CFAP70: variants seen among roughly 807,000 people sequenced by gnomAD.
CFAP70 encodes cilia- and flagella-associated protein 70.
Under a neutral mutation model 137.6 loss-of-function variants are expected in CFAP70, and 81 were observed. The ratio of observed to expected loss-of-function variants is 0.59; its 90% CI spans 0.49 to 0.71. CFAP70 has a LOEUF of 0.71. Among genes scored for constraint, CFAP70 ranks in the 30% least tolerant of loss-of-function variants. CFAP70 has a pLI of 0.00. For missense variants in CFAP70, 976 were observed against 1,226.7 expected, an observed-to-expected ratio of 0.80 and a Z score of 3.05; for synonymous variants, 382 against 423.6, an observed-to-expected ratio of 0.90 and a Z score of 1.20.
chr10:73,359,496 C>A (rs2132611302), upstream of CFAP70, among the ~76,000 whole-genome samples: 1 of 152,134 alleles, frequency 6.6e-6, no homozygotes, highest in African/African-American at 2.4e-5. Flanking sequence ...AAATAAGGGA[C>A]AATTTGAGCA....
intron 25 of CFAP70, among the ~76,000 whole-genome samples, chr10:73,267,480 A>T (rs1324222028): frequency 1.3e-5 from 2 of 152,214 alleles, no homozygotes; most frequent in Non-Finnish European, 2.9e-5. Context: ...AGGGAAAGTC[A>T]CAAGTTTAGC....
chr10:73,343,052 T>C (rs1216639683), intron 5 of CFAP70, among the ~76,000 whole-genome samples: 1 of 151,140 alleles, frequency 6.6e-6, no homozygotes, highest in Admixed American at 6.6e-5. Flanking sequence ...CTACTAAAAA[T>C]ACAAAAAATT....
At chr10:73,262,874 A>C (rs181036962) in intron 25 of CFAP70, among the ~76,000 whole-genome samples, 1 of 152,330 alleles carries the variant, frequency 6.6e-6, no homozygotes, top group East Asian at 1.9e-4. Flanking sequence ...GTTTATCTAC[A>C]TAAACACACA....
intron 3 of CFAP70, among the ~76,000 whole-genome samples, chr10:73,353,143 T>G (rs189985820): frequency 1.4e-4 from 21 of 152,310 alleles, no homozygotes; most frequent in African/African-American, 5.1e-4. Flanking sequence ...TAGGGAAGAC[T>G]TTTTTCTCTA....
exon 6 of CFAP70, chr10:73,341,515 G>A (rs773903835): frequency 2.9e-5 from 47 of 1,613,980 alleles, no homozygotes; most frequent in Non-Finnish European, 3.4e-5. Context: ...TTTTTGGGCC[G>A]GGGAACAGGT....
chr10:73,323,122 G>C, intron 8 of CFAP70, 25 bp from the exon 10 acceptor site: 2 of 1,595,636 alleles, frequency 1.3e-6, no homozygotes, highest in Non-Finnish European at 8.5e-7. Flanking sequence ...CCAGAGAGTT[G>C]TTAGTGCTAT....
At chr10:73,318,326 AT>A (rs1165259681) in intron 9 of CFAP70, among the ~76,000 whole-genome samples, 1 of 152,148 alleles carries the variant, frequency 6.6e-6, no homozygotes, top group Non-Finnish European at 1.5e-5. Context: ...AGCCAGAGAT[AT>A]TTCCTTTCCA....
At chr10:73,361,853 G>GTTT (rs146636199), upstream of CFAP70, among the ~76,000 whole-genome samples, 32 of 147,966 alleles carry the variant, frequency 2.2e-4, no homozygotes, top group Middle Eastern at 3.5e-3. Flanking sequence ...AACCCCAACT[G>GTTT]TTTTTTTTTT....
intron 19 of CFAP70, among the ~76,000 whole-genome samples, chr10:73,283,984 G>GTA (rs1306058800): frequency 6.6e-6 from 1 of 152,174 alleles, no homozygotes; most frequent in African/African-American, 2.4e-5. Context: ...ATGTAATTAT[G>GTA]TTAGTTTCCT....
upstream of CFAP70, among the ~76,000 whole-genome samples, chr10:73,359,906 A>AAC (rs1316087519): frequency 2.0e-5 from 3 of 151,522 alleles, no homozygotes; most frequent in Admixed American, 6.6e-5. Flanking sequence ...AAAAAAAAAC[A>AAC]CACACACACA....
chr10:73,316,463 G>GAT (rs56896753), intron 9 of CFAP70, among the ~76,000 whole-genome samples: 184 of 128,072 alleles, frequency 1.4e-3, no homozygotes, highest in South Asian at 3.8e-3. Flanking sequence ...CCTTTGTTGA[G>GAT]ATATATATAT....
chr10:73,315,285 C>T (rs1301587027), intron 9 of CFAP70, among the ~76,000 whole-genome samples: 2 of 150,566 alleles, frequency 1.3e-5, no homozygotes, highest in Non-Finnish European at 2.9e-5. Flanking sequence ...ATTTAAAGAG[C>T]ATGATTCAGT....
At chr10:73,354,877 G>C (rs890372570) in intron 1 of CFAP70, 42 bp from the exon 2 acceptor site, 8 of 1,162,658 alleles carry the variant, frequency 6.9e-6, no homozygotes, top group Non-Finnish European at 9.0e-6. Context: ...ATGTACCACA[G>C]CTGCACAAGT....
At chr10:73,283,473 G>A (rs1028214871) in intron 19 of CFAP70, among the ~76,000 whole-genome samples, 2 of 151,900 alleles carry the variant, frequency 1.3e-5, no homozygotes, top group Admixed American at 6.6e-5. Flanking sequence ...ATCTCCCTTC[G>A]GCCCTGTTAG....
At chr10:73,277,566 A>T (rs1385177926) in intron 20 of CFAP70, among the ~76,000 whole-genome samples, 1 of 152,096 alleles carries the variant, frequency 6.6e-6, no homozygotes, top group East Asian at 1.9e-4. Context: ...TACAAAAATT[A>T]TCTGGGCATG....
chr10:73,333,155 T>C (rs2052300441), intron 7 of CFAP70, among the ~76,000 whole-genome samples: 1 of 152,142 alleles, frequency 6.6e-6, no homozygotes, highest in Admixed American at 6.6e-5. Flanking sequence ...ATCAGTTGAC[T>C]GGACATGGCT....
chr10:73,306,813 A>G (rs2049420201), intron 12 of CFAP70, among the ~76,000 whole-genome samples: 1 of 152,224 alleles, frequency 6.6e-6, no homozygotes, highest in Admixed American at 6.5e-5. Context: ...AGACAGTTTG[A>G]TAACAGGACC....
chr10:73,316,420 G>A (rs1392408404), intron 9 of CFAP70, among the ~76,000 whole-genome samples: 3 of 139,932 alleles, frequency 2.1e-5, no homozygotes, highest in African/African-American at 8.1e-5. Flanking sequence ...ACTACCTTAT[G>A]TTAAATAAAT....
chr10:73,333,420 C>T (rs185129375), intron 7 of CFAP70, among the ~76,000 whole-genome samples: 2 of 151,854 alleles, frequency 1.3e-5, no homozygotes, highest in African/African-American at 2.4e-5. Flanking sequence ...TCAGAGAATA[C>T]CAAGCAGAAT....
Sources: gnomAD v4.1 joint callset for allele counts (sites outside exome capture counted in the v4.1 genomes callset) on GRCh38, gnomAD v4.1.1 for gene constraint, MANE v1.5 for transcripts, NCBI Gene and HGNC (gene_info 2026-07-23, HGNC 2026-07-21) for gene names.